CCDC88C: variants seen among roughly 807,000 people sequenced by gnomAD.
The protein encoded by CCDC88C is coiled-coil and HOOK domain protein 88C.
In CCDC88C, 131 loss-of-function variants were observed where a neutral mutation model predicts 198.8. The ratio of observed to expected loss-of-function variants is 0.66; its 90% CI spans 0.57 to 0.76. The LOEUF is 0.76. CCDC88C is among the 30% of genes least tolerant of loss of function. The probability of loss-of-function intolerance (pLI) is 0.00; values close to 1 mark genes in which losing one functional copy is unlikely to be tolerated. For missense variants in CCDC88C, 2,553 were observed against 2,631.6 expected (o/e 0.97, Z 0.65); for synonymous variants, 1,166 against 1,114.7 (o/e 1.05, Z -0.92).
At position 91,300,066 on chromosome 14, in the gene CCDC88C, C is replaced by G; in HGVS notation, c.3640G>C (p.Gly1214Arg). The change falls in exon 21 of 30, where the codon GGT becomes CGT. Residue 1214 changes from glycine to arginine, a missense_variant. Physicochemically the swap from Gly to Arg is moderately radical, Grantham distance 125. This residue lies in a region of CCDC88C where 1,293 missense variants were observed against 1,219.6 expected (regional missense o/e 1.06). Transcript: ENST00000389857. Reference sequence around the variant, plus strand: ...TCCGCCTTGCGCTTCAGCATGTCACCGTGCCTGTTGGAGGGAAGCACCTGC... The same window carrying G: ...TCCGCCTTGCGCTTCAGCATGTCACGGTGCCTGTTGGAGGGAAGCACCTGC... ...LEHKELGERHGDMLKRKAELE... is the reference protein window; with the variant it reads ...LEHKELGERHRDMLKRKAELE... 6.2e-7 allele frequency: 1 copy of G among 1,607,662 alleles called. No individual in the cohort carries two copies. Among genetic ancestry groups the G allele is most frequent in the Non-Finnish European group, 8.5e-7 (1 of 1,177,598 alleles).
At chr14:91,293,337 C>G (rs868700953) in intron 23 of CCDC88C, among the ~76,000 whole-genome samples, 30 of 14,770 alleles carry the variant, frequency 2.0e-3, no homozygotes, top group South Asian at 2.5e-3. Context: ...TGCCAAAGCT[C>G]ACCTTCCTGT....
intron 3 of CCDC88C, among the ~76,000 whole-genome samples, chr14:91,392,747 ACGCCCCTCACTCTCACCG>A (rs1182006656): frequency 1.4e-3 from 202 of 147,600 alleles, no homozygotes; most frequent in African/African-American, 4.8e-3. Flanking sequence ...CACTCTCACC[ACGCCCCTCACTCTCACCG>A]CGCCCCTCAC....
intron 28 of CCDC88C, 146 bp from the exon 29 acceptor site, chr14:91,278,357 C>T (rs1890056090): frequency 1.4e-6 from 1 of 730,536 alleles, no homozygotes; most frequent in Non-Finnish European, 2.0e-6. Flanking sequence ...TCCCACCAGG[C>T]TGAAAGTCTG....
chr14:91,287,476 G>A (rs1890462491), intron 25 of CCDC88C, among the ~76,000 whole-genome samples: 1 of 151,998 alleles, frequency 6.6e-6, no homozygotes, highest in Non-Finnish European at 1.5e-5. Flanking sequence ...TGAGACTACA[G>A]GTACGTGCCA....
At chr14:91,297,180 C>T in intron 22 of CCDC88C, 125 bp downstream of exon 22, 1 of 995,554 alleles carries the variant, frequency 1.0e-6, no homozygotes, top group Non-Finnish European at 1.5e-6. Flanking sequence ...TCTGTGCCAC[C>T]TCCACACATT....
intron 4 of CCDC88C, among the ~76,000 whole-genome samples, chr14:91,355,956 G>C: frequency 6.6e-6 from 1 of 151,990 alleles, no homozygotes; most frequent in East Asian, 1.9e-4. Flanking sequence ...ACTATAAAAC[G>C]TTATAAATAA....
intron 13 of CCDC88C, among the ~76,000 whole-genome samples, chr14:91,316,953 G>A (rs957269094): frequency 6.6e-6 from 1 of 152,204 alleles, no homozygotes; most frequent in African/African-American, 2.4e-5. Context: ...ATGGGCAACA[G>A]TCTCATGTGG....
At chr14:91,311,151 C>A (rs2139799385) in intron 15 of CCDC88C, among the ~76,000 whole-genome samples, 1 of 152,322 alleles carries the variant, frequency 6.6e-6, no homozygotes, top group Middle Eastern at 3.4e-3. Context: ...GGACAGACTC[C>A]CTGAAGGGTC....
Position 91,273,435 on chromosome 14 carries a change from C to G in CCDC88C, c.5277G>C (p.Glu1759Asp). The change falls in exon 30 of 30, where the codon GAG (glutamate) becomes GAC (aspartate). Residue 1759 changes from glutamate (E) to aspartate (D), a missense_variant. By Grantham distance (45) the Glu-to-Asp change is conservative. Transcript: ENST00000389857. The surrounding 1 kb of genome is among the most constrained non-coding windows in gnomAD (Gnocchi z 5.6). ...GGGCCACGCTGGGTGGGGCCTCGGC[C>G]TCAGTCAGTCTGAAGTTTGGCTTTA... ...QYVKPNFRLT[E>D]AEAPPSVAPR... 6.3e-7 allele frequency: 1 copy of G among 1,583,360 alleles called. No homozygotes were observed. Among genetic ancestry groups the G allele is most frequent in the South Asian group, 1.1e-5 (1 of 87,534 alleles).
intron 29 of CCDC88C, among the ~76,000 whole-genome samples, chr14:91,275,826 T>TTC (rs1889936415): frequency 7.4e-6 from 1 of 134,972 alleles, no homozygotes; most frequent in African/African-American, 2.8e-5. Context: ...TTCTTTTTTT[T>TTC]TTTTTTTTTT....
chr14:91,404,269 C>T (rs985110894), intron 3 of CCDC88C, among the ~76,000 whole-genome samples: 1 of 152,180 alleles, frequency 6.6e-6, no homozygotes, highest in Non-Finnish European at 1.5e-5. Flanking sequence ...CTCTGGTAAC[C>T]GCATCCTCTC....
At chr14:91,344,373 T>C (rs1451876788) in intron 4 of CCDC88C, among the ~76,000 whole-genome samples, 2 of 152,150 alleles carry the variant, frequency 1.3e-5, no homozygotes, top group Admixed American at 1.3e-4. Context: ...GGGAGGACAG[T>C]ATAATGAACC....
chr14:91,361,339 G>A (rs1022465117), intron 3 of CCDC88C, among the ~76,000 whole-genome samples: 1 of 152,142 alleles, frequency 6.6e-6, no homozygotes, highest in African/African-American at 2.4e-5. Context: ...CTGCTAACTA[G>A]CACTCGAGAA....
chr14:91,343,530 C>A, intron 5 of CCDC88C, 69 bp downstream of exon 5: 1 of 1,599,278 alleles, frequency 6.3e-7, no homozygotes, highest in South Asian at 1.1e-5. Flanking sequence ...AGGGCTCGGT[C>A]AAGTCCCGCA....
At chr14:91,326,450 T>C (rs1277774863) in intron 10 of CCDC88C, among the ~76,000 whole-genome samples, 1 of 152,042 alleles carries the variant, frequency 6.6e-6, no homozygotes. Flanking sequence ...TGACCTCAGG[T>C]GATCCACCTG....
chr14:91,346,085 A>C (rs1222084556), intron 4 of CCDC88C, among the ~76,000 whole-genome samples: 1 of 152,204 alleles, frequency 6.6e-6, no homozygotes, highest in Non-Finnish European at 1.5e-5. Context: ...CGGGATGAAA[A>C]AACCAAACCG....
intron 4 of CCDC88C, 22 bp downstream of exon 4, chr14:91,359,620 G>C: frequency 6.3e-7 from 1 of 1,593,150 alleles, no homozygotes; most frequent in Non-Finnish European, 8.6e-7. Flanking sequence ...CCACAGGGGA[G>C]AAGGGAGCGG....
In CCDC88C at chr14:91,339,016, G is replaced by A. The variant is rs1225155091; in HGVS notation, c.809+262C>T. ...AGCTGGAGCTGAGCGTGGACTGGAG[G>A]CTGCTTCTGTGGACAACTTGCACCG... On this transcript the variant is annotated intron_variant, in intron 8 of 29. Transcript: ENST00000389857. The surrounding 1 kb of genome is among the most constrained non-coding windows in gnomAD (Gnocchi z 5.8). The A allele has an allele frequency of 2.3e-5, 13 of 572,798 alleles. No individual in the cohort carries two copies. Among genetic ancestry groups the A allele is most frequent in the African/African-American group, 7.4e-5 (4 of 53,742 alleles). 35.5% of individuals were successfully genotyped at this position (572,798 alleles called of 1,614,324 possible).
chr14:91,316,071 G>A (rs1436865126), intron 13 of CCDC88C, among the ~76,000 whole-genome samples: 1 of 152,198 alleles, frequency 6.6e-6, no homozygotes, highest in African/African-American at 2.4e-5. Flanking sequence ...GTGCCCTCGG[G>A]GGTTTCACAC....
Sources: allele counts gnomAD v4.1 joint callset (sites outside exome capture counted in the v4.1 genomes callset), GRCh38; gene constraint gnomAD v4.1.1; regional missense constraint gnomAD v4.1.1; non-coding constraint Gnocchi (gnomAD v3.1); transcripts MANE v1.5; gene names NCBI Gene and HGNC (gene_info 2026-07-23, HGNC 2026-07-21).